TMOD1: variants seen among roughly 807,000 people sequenced by gnomAD.
TMOD1 encodes the protein tropomodulin-1.
In TMOD1, 17 loss-of-function variants were observed where a neutral mutation model predicts 40.6. The ratio of observed to expected loss-of-function variants is 0.42; its 90% CI spans 0.29 to 0.63. TMOD1 has a LOEUF of 0.63. Among genes scored for constraint, TMOD1 ranks in the 20% least tolerant of loss-of-function variants. The pLI is 0.22. For missense variants in TMOD1, 391 were observed against 447.6 expected, an observed-to-expected ratio of 0.87 and a Z score of 1.14; for synonymous variants, 181 against 175.0, an observed-to-expected ratio of 1.03 and a Z score of -0.27.
intron 4 of TMOD1, among the ~76,000 whole-genome samples, chr9:97,554,039 A>C (rs1830494859): frequency 6.6e-6 from 1 of 152,002 alleles, no homozygotes; most frequent in African/African-American, 2.4e-5. Flanking sequence ...GTGGTGTTCC[A>C]TCCCCACAGG....
intron 8 of TMOD1, among the ~76,000 whole-genome samples, chr9:97,585,023 A>G (rs1416163311): frequency 1.3e-5 from 2 of 152,034 alleles, no homozygotes; most frequent in Admixed American, 6.5e-5. Flanking sequence ...TAATATTGTT[A>G]TGTGTGAATT....
chr9:97,595,931 G>A (rs967293723), intron 9 of TMOD1, among the ~76,000 whole-genome samples: 8 of 151,832 alleles, frequency 5.3e-5, no homozygotes, highest in African/African-American at 9.7e-5. Flanking sequence ...AAAATTAGCC[G>A]GGCATGGTGG....
intron 9 of TMOD1, among the ~76,000 whole-genome samples, chr9:97,592,780 T>C (rs1433120406): frequency 6.6e-6 from 1 of 152,140 alleles, no homozygotes; most frequent in Non-Finnish European, 1.5e-5. Context: ...CACAAACATA[T>C]ACCAAAATTC....
chr9:97,600,697 C>T lies in TMOD1; in HGVS notation c.*999C>T, dbSNP rs1377344654. On this transcript the variant is annotated 3_prime_UTR_variant, in exon 10 of 10. Transcript: ENST00000259365. ...ACCTTACGCCTGTATATTAAGCCTCCGCAGGATGCCGGACAATGGTGAAGA... is the reference window on the plus strand; with the variant it reads ...ACCTTACGCCTGTATATTAAGCCTCTGCAGGATGCCGGACAATGGTGAAGA... 6.0e-6 allele frequency: 6 copies of T among 1,002,752 alleles called. No individual in the cohort carries two copies. The highest frequency in any genetic ancestry group is 1.1e-4 in the East Asian group (1 of 9,176). The allele number at this position is 1,002,752 out of a possible 1,614,324, so 62.1% of individuals were successfully genotyped here.
intron 2 of TMOD1, among the ~76,000 whole-genome samples, chr9:97,545,744 T>C (rs1033179896): frequency 6.6e-6 from 1 of 152,170 alleles, no homozygotes; most frequent in Admixed American, 6.5e-5. Context: ...TCTTTTGGCT[T>C]CTTCTCTCTC....
intron 3 of TMOD1, among the ~76,000 whole-genome samples, chr9:97,546,692 A>G (rs930880042): frequency 6.6e-6 from 1 of 152,092 alleles, no homozygotes; most frequent in African/African-American, 2.4e-5. Context: ...ACTTTGGGAG[A>G]CCGAGGCAGG....
At position 97,580,090 on chromosome 9, in the gene TMOD1, T is replaced by C. The variant is rs749251568; in HGVS notation, c.870+11053T>C. Among the ~76,000 whole-genome samples the C allele has an allele frequency of 7.9e-5, 12 of 151,866 alleles. No homozygotes were observed. In the South Asian group the frequency reaches 8.4e-4, roughly 11 times the overall value. ...AGCCTTGAGTACCAGGCTGAGGAGA[T>C]GGGGCTGTGTCCTGTTGGCTTAGTG... On this transcript the variant is annotated intron_variant, in intron 8 of 9. Coordinates refer to ENST00000259365, the MANE Select transcript of TMOD1 (RefSeq NM_003275.4).
chr9:97,538,378 T>G lies in TMOD1; in HGVS notation c.121-7807T>G, dbSNP rs144871708. Among the ~76,000 whole-genome samples, 4 of 152,278 alleles carry G rather than the reference T, an allele frequency of 2.6e-5. No individual in the cohort carries two copies. The East Asian group carries it at 5.8e-4, about 22-fold the overall frequency. ...AACCTGTCTTTGGGGTAAGGATGTT[T>G]GTGTGACAAGTGCATGTGACTTTCA... On this transcript the variant is annotated intron_variant, in intron 2 of 9. Coordinates refer to ENST00000259365, the MANE Select transcript of TMOD1 (RefSeq NM_003275.4).
rs561170631 is a variant in TMOD1, at chr9:97,514,758, G to T, written c.-48-9383G>T. Among the ~76,000 whole-genome samples, 3 of 152,222 alleles carry T rather than the reference G, an allele frequency of 2.0e-5. No individual in the cohort carries two copies. The East Asian group carries it at 5.8e-4, about 29-fold the overall frequency. ...GGGAATTGCCCATGATATTGCAGTC[G>T]CTGTGCCAGGACATTAGGTAATCTG... is the stretch of plus-strand genomic sequence containing the variant. On this transcript the variant is annotated intron_variant, in intron 1 of 9. Transcript: ENST00000259365.
At chr9:97,505,608 C>T (rs1362594676) in intron 1 of TMOD1, among the ~76,000 whole-genome samples, 3 of 152,246 alleles carry the variant, frequency 2.0e-5, no homozygotes, top group African/African-American at 2.4e-5. Flanking sequence ...CTCTTTCCAC[C>T]GCACACTCTC....
At chr9:97,540,009 AGAAAAC>A (rs1830253083) in intron 2 of TMOD1, among the ~76,000 whole-genome samples, 1 of 151,890 alleles carries the variant, frequency 6.6e-6, no homozygotes, top group South Asian at 2.1e-4. Context: ...AAAAAGAAAA[AGAAAAC>A]AAAAATGCGC....
At chr9:97,588,713 A>G (rs1825933428) in intron 8 of TMOD1, among the ~76,000 whole-genome samples, 1 of 152,110 alleles carries the variant, frequency 6.6e-6, no homozygotes, top group Non-Finnish European at 1.5e-5. Context: ...GATGTTTTTT[A>G]TATTTATTTA....
chr9:97,594,129 G>A (rs1826056728), intron 9 of TMOD1, among the ~76,000 whole-genome samples: 1 of 152,190 alleles, frequency 6.6e-6, no homozygotes, highest in Admixed American at 6.5e-5. Flanking sequence ...GGTGATGCCA[G>A]GTGATAAAAT....
At chr9:97,535,550 C>T (rs971054733) in intron 2 of TMOD1, among the ~76,000 whole-genome samples, 3 of 152,196 alleles carry the variant, frequency 2.0e-5, no homozygotes, top group Non-Finnish European at 4.4e-5. Flanking sequence ...TGTATCTCCC[C>T]TGTGGCTGTG....
chr9:97,507,996 G>A (rs1342695758), intron 1 of TMOD1, among the ~76,000 whole-genome samples: 4 of 151,458 alleles, frequency 2.6e-5, no homozygotes, highest in Non-Finnish European at 5.9e-5. Flanking sequence ...TCCTTCATTA[G>A]TCCTTTGGGG....
chr9:97,584,128 T>G (rs1453743201), intron 8 of TMOD1, among the ~76,000 whole-genome samples: 99 of 150,914 alleles, frequency 6.6e-4, no homozygotes, highest in African/African-American at 2.2e-3. Context: ...TGCTTTCTCT[T>G]GTGGGCATTT....
intron 4 of TMOD1, among the ~76,000 whole-genome samples, chr9:97,556,003 T>G (rs1587940143): frequency 6.7e-6 from 1 of 150,178 alleles, no homozygotes; most frequent in African/African-American, 2.5e-5. Context: ...GGGGAGGGGG[T>G]CACATTAGAA....
chr9:97,551,950 GA>G (rs1363224329), intron 3 of TMOD1, among the ~76,000 whole-genome samples: 1 of 152,138 alleles, frequency 6.6e-6, no homozygotes, highest in Non-Finnish European at 1.5e-5. Flanking sequence ...TATTATAAAT[GA>G]AATTGTTTTC....
chr9:97,594,865 G>C (rs968715030), intron 9 of TMOD1, among the ~76,000 whole-genome samples: 6 of 152,146 alleles, frequency 3.9e-5, no homozygotes, highest in African/African-American at 1.4e-4. Flanking sequence ...TGGCACTTCA[G>C]GTCCTCTAAA....
Sources: allele counts gnomAD v4.1 joint callset (sites outside exome capture counted in the v4.1 genomes callset), GRCh38; gene constraint gnomAD v4.1.1; transcripts MANE v1.5; gene names NCBI Gene and HGNC (gene_info 2026-07-23, HGNC 2026-07-21).